The following MFHAS1 variants were observed in gnomAD, a reference collection of about 807,000 sequenced individuals.
The protein encoded by MFHAS1 is multifunctional ROCO family signaling regulator 1.
A neutral mutation model predicts 70.4 loss-of-function variants in MFHAS1; 50 were observed. The observed-to-expected ratio is 0.71, with a 90% CI of 0.57 to 0.90. The LOEUF (loss-of-function observed/expected upper bound fraction) is 0.90. Among genes scored for constraint, MFHAS1 ranks in the 40% least tolerant of loss-of-function variants. The pLI is 0.00. For missense variants in MFHAS1, 1,795 were observed against 1,347.6 expected, an observed-to-expected ratio of 1.33 and a Z score of -5.20; for synonymous variants, 952 against 620.0, an observed-to-expected ratio of 1.54 and a Z score of -7.96.
Position 8,892,145 on chromosome 8 carries a change from C to T in MFHAS1, c.914G>A (p.Arg305His). Residue 305 changes from arginine (R) to histidine (H), a missense_variant, in exon 1 of 3, where the codon CGC (arginine) becomes CAC (histidine). Transcript: ENST00000276282. This position sits in a 1 kb window ranked among gnomAD's most constrained non-coding sequence, Gnocchi z 4.7. ...LAGLEELYLS[R>H]NQLTSVPSLI... ...GGATGGCACCGAGGTGAGCTGGTTG[C>T]GACTAAGGTAGAGCTCCTCCAGACC... The T allele has an allele frequency of 1.2e-6, 2 of 1,611,408 alleles. No individual in the cohort carries two copies. Among genetic ancestry groups the T allele is most frequent in the Non-Finnish European group, 1.7e-6 (2 of 1,179,974 alleles).
intron 1 of MFHAS1, among the ~76,000 whole-genome samples, chr8:8,801,944 C>T (rs62495537): frequency 0.12 from 18,902 of 152,202 alleles, 1,547 homozygotes; most frequent in South Asian, 0.2. Flanking sequence ...GTGGGGAACA[C>T]TTAGACGAAG....
intron 2 of MFHAS1, among the ~76,000 whole-genome samples, chr8:8,793,012 G>T (rs972375752): frequency 6.6e-6 from 1 of 152,148 alleles, no homozygotes; most frequent in Non-Finnish European, 1.5e-5. Context: ...TAATCAGCAA[G>T]GGGGAGAAGA....
chr8:8,883,845 C>T (rs1809635504), intron 1 of MFHAS1, among the ~76,000 whole-genome samples: 1 of 152,022 alleles, frequency 6.6e-6, no homozygotes, highest in Non-Finnish European at 1.5e-5. Flanking sequence ...GTTAAAGCCC[C>T]TCACCTCTTC....
At chr8:8,791,068 T>C (rs1301003606) in intron 2 of MFHAS1, among the ~76,000 whole-genome samples, 1 of 151,688 alleles carries the variant, frequency 6.6e-6, no homozygotes, top group Non-Finnish European at 1.5e-5. Flanking sequence ...TTATTATTAG[T>C]ACTTCCTAAA....
intron 1 of MFHAS1, among the ~76,000 whole-genome samples, chr8:8,854,398 A>G (rs974718723): frequency 1.3e-4 from 20 of 152,118 alleles, no homozygotes; most frequent in Non-Finnish European, 2.8e-4. Flanking sequence ...GTGGGCGCCT[A>G]CAGTCCCAGC....
intron 1 of MFHAS1, among the ~76,000 whole-genome samples, chr8:8,861,175 C>G (rs1027967): frequency 2.1e-3 from 321 of 152,242 alleles, no homozygotes; most frequent in African/African-American, 7.5e-3. Flanking sequence ...TGAATTAAAG[C>G]AAAATAAAAC....
chr8:8,882,927 A>T (rs1268740911), intron 1 of MFHAS1, among the ~76,000 whole-genome samples: 2 of 151,890 alleles, frequency 1.3e-5, no homozygotes, highest in Non-Finnish European at 1.5e-5. Context: ...CCGAGGAGGG[A>T]GGATCATCTG....
chr8:8,832,054 G>GCA (rs370279756), intron 1 of MFHAS1, among the ~76,000 whole-genome samples: 3,543 of 112,572 alleles, frequency 0.031, 73 homozygotes, highest in East Asian at 0.076. Context: ...ATGCACGCGC[G>GCA]CGCGCGCGCA....
chr8:8,891,824 A>C lies in MFHAS1; in HGVS notation c.1235T>G (p.Leu412Arg). 6.2e-7 allele frequency: 1 copy of C among 1,613,190 alleles called. No individual in the cohort carries two copies. The highest frequency in any genetic ancestry group is 8.5e-7 in the Non-Finnish European group (1 of 1,179,930). ...SQPAVQPRLK[L>R]LLMGHKAAGK... Reference sequence around the variant, plus strand: ...TGCAGCCTTATGCCCCATCAGGAGCAGCTTGAGCCGGGGCTGCACCGCCGG... The same window carrying C: ...TGCAGCCTTATGCCCCATCAGGAGCCGCTTGAGCCGGGGCTGCACCGCCGG... Residue 412 changes from leucine (L) to arginine (R), a missense_variant, in exon 1 of 3, where the codon CTG (leucine) becomes CGG (arginine). By Grantham distance (102) the Leu-to-Arg change is moderately radical. Coordinates refer to ENST00000276282, the MANE Select transcript of MFHAS1 (RefSeq NM_004225.3). The surrounding 1 kb of genome is among the most constrained non-coding windows in gnomAD (Gnocchi z 5.4).
At chr8:8,868,472 T>A (rs1808946348) in intron 1 of MFHAS1, among the ~76,000 whole-genome samples, 1 of 151,528 alleles carries the variant, frequency 6.6e-6, no homozygotes, top group Admixed American at 6.6e-5. Context: ...ACTCGGCTAA[T>A]ACACTGGAAC....
At chr8:8,847,577 A>G (rs1016858946) in intron 1 of MFHAS1, among the ~76,000 whole-genome samples, 2 of 152,212 alleles carry the variant, frequency 1.3e-5, no homozygotes, top group Non-Finnish European at 2.9e-5. Flanking sequence ...ATTATTGATA[A>G]GACAGCTGGT....
intron 1 of MFHAS1, among the ~76,000 whole-genome samples, chr8:8,880,343 C>T (rs1809470572): frequency 6.6e-6 from 1 of 152,190 alleles, no homozygotes; most frequent in African/African-American, 2.4e-5. Flanking sequence ...AGGTGCACAA[C>T]ACTGGGAATG....
chr8:8,816,949 G>A (rs1385844010), intron 1 of MFHAS1, among the ~76,000 whole-genome samples: 1 of 152,158 alleles, frequency 6.6e-6, no homozygotes, highest in Non-Finnish European at 1.5e-5. Context: ...TTCAGCCTCA[G>A]GAAATGACTC....
At chr8:8,823,819 G>C (rs955762856) in intron 1 of MFHAS1, among the ~76,000 whole-genome samples, 1 of 143,062 alleles carries the variant, frequency 7.0e-6, no homozygotes, top group African/African-American at 2.6e-5. Context: ...GCTGAGAAAA[G>C]AAAGAATCTC....
At chr8:8,834,443 G>A (rs1381038966) in intron 1 of MFHAS1, among the ~76,000 whole-genome samples, 1 of 152,156 alleles carries the variant, frequency 6.6e-6, no homozygotes, top group African/African-American at 2.4e-5. Context: ...CACGAGACGT[G>A]CCCTATACAA....
chr8:8,844,316 G>A (rs776428814), intron 1 of MFHAS1, among the ~76,000 whole-genome samples: 1 of 152,172 alleles, frequency 6.6e-6, no homozygotes. Context: ...TGGGAAAAAT[G>A]ACTCACAGGT....
At position 8,891,960 on chromosome 8, in the gene MFHAS1, C is replaced by A. The variant is rs1204467301; in HGVS notation, c.1099G>T (p.Val367Leu). The A allele has an allele frequency of 6.2e-7, 1 of 1,612,176 alleles. No individual in the cohort carries two copies. Among genetic ancestry groups the A allele is most frequent in the Admixed American group, 1.7e-5 (1 of 59,926 alleles). The change falls in exon 1 of 3, where the codon GTG becomes TTG. Residue 367 changes from valine (V) to leucine (L), a missense_variant. Coordinates refer to ENST00000276282, the MANE Select transcript of MFHAS1 (RefSeq NM_004225.3). This position sits in a 1 kb window ranked among gnomAD's most constrained non-coding sequence, Gnocchi z 5.4. Reference sequence around the variant, plus strand: ...TTGTCTTTGATCTTCCACAAACCCACCCGGGAGAGCTGGCCAAAGTGGTCG... The same window carrying A: ...TTGTCTTTGATCTTCCACAAACCCAACCGGGAGAGCTGGCCAAAGTGGTCG... ...LPDHFGQLSR[V>L]GLWKIKDNPL...
At chr8:8,802,490 G>T (rs1806114828) in intron 1 of MFHAS1, among the ~76,000 whole-genome samples, 1 of 152,204 alleles carries the variant, frequency 6.6e-6, no homozygotes, top group African/African-American at 2.4e-5. Flanking sequence ...ATGGCGAGAA[G>T]ACACCATATG....
At chr8:8,855,986 T>C (rs187605220) in intron 1 of MFHAS1, among the ~76,000 whole-genome samples, 62 of 152,370 alleles carry the variant, frequency 4.1e-4, no homozygotes, top group African/African-American at 1.4e-3. Flanking sequence ...TGAGAAAAGA[T>C]GCTCAGTTAT....
Sources: gnomAD v4.1 joint callset for allele counts (sites outside exome capture counted in the v4.1 genomes callset) on GRCh38, gnomAD v4.1.1 for gene constraint, Gnocchi (gnomAD v3.1) non-coding constraint, MANE v1.5 for transcripts, NCBI Gene and HGNC (gene_info 2026-07-23, HGNC 2026-07-21) for gene names.